Variants in SUCLG2 observed in about 807,000 individuals in gnomAD.
SUCLG2 encodes the protein succinate--CoA ligase [GDP-forming] subunit beta, mitochondrial.
In SUCLG2, 42 loss-of-function variants were observed where a neutral mutation model predicts 47.9. The ratio of observed to expected loss-of-function variants is 0.88; its 90% confidence interval spans 0.69 to 1.14. The LOEUF (loss-of-function observed/expected upper bound fraction) is 1.14, where lower values mean the gene tolerates loss of function less well. Among genes scored for constraint, SUCLG2 ranks in the 50% most tolerant of loss-of-function variants. SUCLG2 has a pLI of 0.00. For synonymous variants in SUCLG2, 195 were observed against 197.3 expected, an observed-to-expected ratio of 0.99 and a Z score of 0.10; for missense variants, 571 against 525.9, an observed-to-expected ratio of 1.09 and a Z score of -0.84.
chr3:67,653,840 A>G (rs918834716), intron 1 of SUCLG2, among the ~76,000 whole-genome samples: 3 of 152,154 alleles, frequency 2.0e-5, no homozygotes, highest in African/African-American at 7.2e-5. Flanking sequence ...CCCACCACTG[A>G]CCCTCTTTGA....
chr3:67,501,625 C>T lies in SUCLG2; in HGVS notation c.758-3330G>A, dbSNP rs545853742. Among the ~76,000 whole-genome samples, 22 of 152,024 alleles carry T rather than the reference C, an allele frequency of 1.4e-4. No individual in the cohort carries two copies. In the South Asian group the frequency reaches 4.0e-3, roughly 27 times the overall value. On this transcript the variant is annotated intron_variant, in intron 7 of 10. Transcript: ENST00000307227. ...GTGGAGGCTTCTGTATGGGGCTGGT[C>T]GCCAGAAAGACCAAACTATGATTAG...
In SUCLG2 at chr3:67,488,865, G is replaced by T. The variant is rs936376440; in HGVS notation, c.1062+6933C>A. On this transcript the variant is annotated intron_variant, in intron 9 of 10. Transcript: ENST00000307227. ...ACTCTACAAAGGCATCTACACAGAG[G>T]ACTCGTAATCAATTCCGGAGCTTGC... 2.0e-5 allele frequency among the ~76,000 whole-genome samples: 3 copies of T among 152,204 alleles called. No individual in the cohort carries two copies. In the East Asian group the frequency reaches 5.8e-4, roughly 29 times the overall value.
At position 67,529,203 on chromosome 3, in the gene SUCLG2, C is replaced by A. The variant is rs1352862068; in HGVS notation, c.227-17G>T. The A allele has an allele frequency of 6.3e-7, 1 of 1,590,408 alleles. No homozygotes were observed. The highest frequency in any genetic ancestry group is 1.8e-5 in the Admixed American group (1 of 56,816). ...CTTTTGCATCTGAAAAAGAAAAATC[C>A]AGAGTTGGTAGCTGATTTTAAATTC... On this transcript the variant is annotated splice_polypyrimidine_tract_variant and intron_variant, in intron 2 of 10. Transcript: ENST00000307227.
chr3:67,551,784 C>G (rs1392904538), intron 2 of SUCLG2, among the ~76,000 whole-genome samples: 1 of 152,164 alleles, frequency 6.6e-6, no homozygotes, highest in African/African-American at 2.4e-5. Context: ...ACTGGCTATG[C>G]ACCAGGAGCT....
At chr3:67,543,710 T>C (rs1706781968) in intron 2 of SUCLG2, among the ~76,000 whole-genome samples, 1 of 152,122 alleles carries the variant, frequency 6.6e-6, no homozygotes, top group Non-Finnish European at 1.5e-5. Flanking sequence ...TTAACTGAGG[T>C]TACCTTAAGT....
chr3:67,429,917 G>GC (rs1703431133), intron 9 of SUCLG2, among the ~76,000 whole-genome samples: 1 of 152,164 alleles, frequency 6.6e-6, no homozygotes, highest in Admixed American at 6.5e-5. Flanking sequence ...AAAAATAGAT[G>GC]CACCCAATAC....
chr3:67,407,543 G>C (rs1046379211), intron 9 of SUCLG2, among the ~76,000 whole-genome samples: 1 of 152,176 alleles, frequency 6.6e-6, no homozygotes, highest in Non-Finnish European at 1.5e-5. Context: ...TGAAAAAATA[G>C]AAAACTTTCA....
intron 10 of SUCLG2, among the ~76,000 whole-genome samples, chr3:67,378,246 A>C (rs1702078063): frequency 6.6e-6 from 1 of 152,226 alleles, no homozygotes; most frequent in Non-Finnish European, 1.5e-5. Flanking sequence ...GTCCCCCTTG[A>C]GTATGATCTG....
At position 67,443,393 on chromosome 3, in the gene SUCLG2, C is replaced by G. The variant is rs1203194390; in HGVS notation, c.1063-42542G>C. ...AGCGGCTGGAGGAGCGGACGGGCCC[C>G]GCGGGGCCCGAGGGCAAGGAGCAGC... On this transcript the variant is annotated intron_variant, in intron 9 of 10. Transcript: ENST00000307227. Among the ~76,000 whole-genome samples the G allele has an allele frequency of 1.8e-4, 13 of 70,864 alleles. 5 individuals carry two copies. Among genetic ancestry groups the G allele is most frequent in the African/African-American group, 4.6e-4 (9 of 19,648 alleles). The allele number at this position is 70,864 out of a possible 152,430, so 46.5% of individuals were successfully genotyped here.
chr3:67,587,210 C>A (rs2107269654), intron 2 of SUCLG2, among the ~76,000 whole-genome samples: 1 of 152,288 alleles, frequency 6.6e-6, no homozygotes, highest in Middle Eastern at 3.4e-3. Flanking sequence ...TGAGACAGAA[C>A]TGGTGACACT....
At chr3:67,523,090 T>C (rs532520509) in intron 4 of SUCLG2, among the ~76,000 whole-genome samples, 2 of 152,290 alleles carry the variant, frequency 1.3e-5, no homozygotes, top group South Asian at 2.1e-4. Context: ...CCCGGCCACA[T>C]TGCTTTTTTT....
intron 2 of SUCLG2, among the ~76,000 whole-genome samples, chr3:67,555,596 A>G (rs928521865): frequency 5.3e-5 from 8 of 152,216 alleles, no homozygotes; most frequent in Non-Finnish European, 1.2e-4. Context: ...CTTGTGCCAT[A>G]AAGTAAGGAA....
intron 9 of SUCLG2, among the ~76,000 whole-genome samples, chr3:67,407,671 C>T (rs1702845172): frequency 6.6e-6 from 1 of 152,142 alleles, no homozygotes; most frequent in Admixed American, 6.5e-5. Flanking sequence ...TTTGTCTGTG[C>T]CTATTCCAAT....
intron 10 of SUCLG2, among the ~76,000 whole-genome samples, chr3:67,391,396 C>T (rs529387334): frequency 8.5e-5 from 13 of 152,156 alleles, no homozygotes; most frequent in South Asian, 8.3e-4. Context: ...CACTCCTATT[C>T]GCTACATGAT....
rs149692338 is a variant in SUCLG2 at position 67,626,563 on chromosome 3, T to C, written c.85-16967A>G. Among the ~76,000 whole-genome samples, 575 of 151,782 alleles carry C rather than the reference T, an allele frequency of 3.8e-3. 5 individuals are homozygous for C. The highest frequency in any genetic ancestry group is 0.013 in the African/African-American group (542 of 41,376). On this transcript the variant is annotated intron_variant, in intron 1 of 10. Coordinates refer to ENST00000307227, the MANE Select transcript of SUCLG2 (RefSeq NM_003848.4). Reference sequence around the variant, plus strand: ...ACCAACATCATGAAAGAGAAACAAATAGAAGAACTAACGCTGAAGGAGAAA... The same window carrying C: ...ACCAACATCATGAAAGAGAAACAAACAGAAGAACTAACGCTGAAGGAGAAA...
chr3:67,495,646 C>T (rs1228841470), intron 9 of SUCLG2, 152 bp downstream of exon 9: 54 of 853,018 alleles, frequency 6.3e-5, no homozygotes, highest in Middle Eastern at 3.7e-4. Context: ...AGTAAGACTC[C>T]GTCTCAAAAA....
At chr3:67,410,684 T>TA (rs908116819) in intron 9 of SUCLG2, among the ~76,000 whole-genome samples, 7 of 149,954 alleles carry the variant, frequency 4.7e-5, no homozygotes, top group African/African-American at 9.8e-5. Flanking sequence ...TATTCAAAGC[T>TA]AAAAAAAAAT....
chr3:67,455,614 T>C (rs1000960250), intron 9 of SUCLG2, among the ~76,000 whole-genome samples: 3 of 152,138 alleles, frequency 2.0e-5, no homozygotes, highest in African/African-American at 7.2e-5. Context: ...AATTTCAATT[T>C]TGTAATTCTC....
intron 7 of SUCLG2, among the ~76,000 whole-genome samples, chr3:67,499,391 T>C (rs981302891): frequency 1.3e-5 from 2 of 152,152 alleles, no homozygotes; most frequent in African/African-American, 4.8e-5. Context: ...CAGGACCATC[T>C]TATGGTGCTT....
Sources: gnomAD v4.1 joint callset for allele counts (sites outside exome capture counted in the v4.1 genomes callset) on GRCh38, gnomAD v4.1.1 for gene constraint, MANE v1.5 for transcripts, NCBI Gene and HGNC (gene_info 2026-07-23, HGNC 2026-07-21) for gene names.